The following SV2C variants were observed in gnomAD, a reference collection of about 807,000 sequenced individuals.
The protein encoded by SV2C is solute carrier family 22 member B3.
A neutral mutation model predicts 79.7 loss-of-function variants in SV2C; 49 were observed. That is an observed-to-expected ratio of 0.61 (90% CI 0.49 to 0.78). SV2C has a LOEUF of 0.78. SV2C is among the 30% of genes least tolerant of loss of function. The pLI is 0.00. For missense variants in SV2C, 833 were observed against 912.9 expected (o/e 0.91, Z 1.13); for synonymous variants, 334 against 333.2 (o/e 1.00, Z -0.03).
the SV2C span, among the ~76,000 whole-genome samples, chr5:75,949,255 A>G: frequency 6.6e-6 from 1 of 151,500 alleles, no homozygotes; most frequent in East Asian, 1.9e-4. Context: ...AGCCAATTAA[A>G]CCTCTTTTCT....
chr5:75,917,864 C>T, the SV2C span, among the ~76,000 whole-genome samples: 2 of 152,224 alleles, frequency 1.3e-5, 1 homozygote, highest in South Asian at 4.2e-4. Flanking sequence ...CTTGGGGAGA[C>T]AGATACCTCA....
At chr5:76,234,911 A>G (rs774150747) in intron 4 of SV2C, among the ~76,000 whole-genome samples, 12 of 152,232 alleles carry the variant, frequency 7.9e-5, no homozygotes, top group Non-Finnish European at 1.6e-4. Flanking sequence ...TAGAGCAACT[A>G]CAAATGCTGG....
intron 4 of SV2C, among the ~76,000 whole-genome samples, chr5:76,275,931 G>A (rs1280999684): frequency 6.6e-6 from 1 of 152,130 alleles, no homozygotes; most frequent in Non-Finnish European, 1.5e-5. Flanking sequence ...ACTCATACAA[G>A]ACATATTTTG....
intron 4 of SV2C, among the ~76,000 whole-genome samples, chr5:76,221,427 C>A (rs1745060668): frequency 6.6e-6 from 1 of 152,156 alleles, no homozygotes; most frequent in African/African-American, 2.4e-5. Flanking sequence ...GATTTTCTTC[C>A]AAAGTCATGG....
the SV2C span, among the ~76,000 whole-genome samples, chr5:76,061,311 T>C: frequency 8.0e-6 from 1 of 125,600 alleles, no homozygotes; most frequent in South Asian, 2.6e-4. Flanking sequence ...CTGAAAAATA[T>C]GCAATAATGC....
chr5:76,335,821 C>T (rs1039172086), downstream of SV2C, among the ~76,000 whole-genome samples: 2 of 152,048 alleles, frequency 1.3e-5, no homozygotes, highest in African/African-American at 4.8e-5. Context: ...GTGTCTACCT[C>T]TTTCTACACA....
In SV2C at chr5:76,231,526, C is replaced by T. The variant is rs572726287; in HGVS notation, c.913+21639C>T. On this transcript the variant is annotated intron_variant, in intron 4 of 12. Transcript: ENST00000502798. Reference sequence around the variant, plus strand: ...TACGTATACATGTGCCATGCTGGTGCGCCGCACCCACTAACTCGTCATCTA... The same window carrying T: ...TACGTATACATGTGCCATGCTGGTGTGCCGCACCCACTAACTCGTCATCTA... Among the ~76,000 whole-genome samples, 479 of 150,352 alleles carry T rather than the reference C, an allele frequency of 3.2e-3. 5 individuals are homozygous for T. The highest frequency in any genetic ancestry group is 0.012 in the African/African-American group (466 of 39,884).
At chr5:75,946,288 A>C in the SV2C span, among the ~76,000 whole-genome samples, 1 of 152,124 alleles carries the variant, frequency 6.6e-6, no homozygotes, top group African/African-American at 2.4e-5. Flanking sequence ...TTGCATATGA[A>C]TATCCAAATG....
intron 4 of SV2C, among the ~76,000 whole-genome samples, chr5:76,252,536 T>C (rs1746147583): frequency 6.6e-6 from 1 of 152,232 alleles, no homozygotes; most frequent in Admixed American, 6.5e-5. Context: ...AAGAAAGATA[T>C]AATTTTCACT....
intron 2 of SV2C, among the ~76,000 whole-genome samples, chr5:76,171,770 C>T (rs1580326101): frequency 4.4e-5 from 5 of 113,794 alleles, no homozygotes; most frequent in Non-Finnish European, 1.0e-4. Context: ...GGGGGGTCAG[C>T]CCCCCGCCCG....
At chr5:76,074,187 A>G in the SV2C span, among the ~76,000 whole-genome samples, 1 of 152,216 alleles carries the variant, frequency 6.6e-6, no homozygotes, top group Non-Finnish European at 1.5e-5. Flanking sequence ...GTAATCATGG[A>G]GTGATTTAAA....
the SV2C span, among the ~76,000 whole-genome samples, chr5:76,006,294 C>A: frequency 6.6e-6 from 1 of 152,154 alleles, no homozygotes; most frequent in African/African-American, 2.4e-5. Context: ...CATGCCTTCC[C>A]TTCATATATG....
chr5:75,977,083 A>G, the SV2C span, among the ~76,000 whole-genome samples: 1 of 152,248 alleles, frequency 6.6e-6, no homozygotes, highest in Non-Finnish European at 1.5e-5. Context: ...TGCATAAATG[A>G]AAAATATAAA....
chr5:76,135,882 C>T (rs1380001301), intron 2 of SV2C, among the ~76,000 whole-genome samples: 2 of 152,166 alleles, frequency 1.3e-5, no homozygotes, highest in Non-Finnish European at 2.9e-5. Flanking sequence ...CAGCCATTTT[C>T]AGCTCAGCCC....
At chr5:75,953,291 C>G in the SV2C span, among the ~76,000 whole-genome samples, 1 of 151,972 alleles carries the variant, frequency 6.6e-6, no homozygotes, top group African/African-American at 2.4e-5. Context: ...GCTTCCATGA[C>G]CAAATACCTC....
chr5:76,187,056 A>C (rs1220171467), intron 2 of SV2C, among the ~76,000 whole-genome samples: 1 of 152,166 alleles, frequency 6.6e-6, no homozygotes, highest in Non-Finnish European at 1.5e-5. Context: ...TGGGGATCCC[A>C]TTGGTGTTAA....
At chr5:76,179,295 G>A (rs1370442099) in intron 2 of SV2C, among the ~76,000 whole-genome samples, 1 of 152,110 alleles carries the variant, frequency 6.6e-6, no homozygotes, top group African/African-American at 2.4e-5. Flanking sequence ...GTGCTTAGGG[G>A]CCATTTAGGG....
At chr5:75,888,252 C>A in the SV2C span, among the ~76,000 whole-genome samples, 25 of 151,744 alleles carry the variant, frequency 1.6e-4, no homozygotes, top group African/African-American at 6.0e-4. Context: ...GCTTTGGCCA[C>A]AACCTTGTGA....
chr5:75,865,730 G>A, the SV2C span, among the ~76,000 whole-genome samples: 1 of 152,238 alleles, frequency 6.6e-6, no homozygotes, highest in Non-Finnish European at 1.5e-5. Flanking sequence ...ACAAATGGGA[G>A]TCAGTCAAAG....
Sources: allele counts gnomAD v4.1 joint callset (sites outside exome capture counted in the v4.1 genomes callset), GRCh38; gene constraint gnomAD v4.1.1; transcripts MANE v1.5; gene names NCBI Gene and HGNC (gene_info 2026-07-23, HGNC 2026-07-21).